The following ANKS1B variants were observed in gnomAD, a reference collection of about 807,000 sequenced individuals.
ANKS1B encodes ankyrin repeat and sterile alpha motif domain containing 1B, also known as ankyrin repeat and sterile alpha motif domain-containing protein 1B.
ANKS1B carries 36 observed loss-of-function variants against 148.3 expected under a neutral mutation model. The ratio of observed to expected loss-of-function variants is 0.24; its 90% confidence interval spans 0.19 to 0.32. ANKS1B has a LOEUF of 0.32. Ranked by LOEUF, ANKS1B falls within the 10% of genes least tolerant of loss-of-function variation. The probability of loss-of-function intolerance (pLI) is 1.00; values close to 1 mark genes in which losing one functional copy is unlikely to be tolerated. For missense variants in ANKS1B, 1,157 were observed against 1,542.6 expected (o/e 0.75, Z 4.19); for synonymous variants, 542 against 560.8 (o/e 0.97, Z 0.47).
At chr12:99,716,292 G>A (rs538514010) in intron 8 of ANKS1B, among the ~76,000 whole-genome samples, 1 of 147,222 alleles carries the variant, frequency 6.8e-6, no homozygotes, top group African/African-American at 2.7e-5. Context: ...TCCACACCCC[G>A]ACCTCTTATC....
intron 8 of ANKS1B, among the ~76,000 whole-genome samples, chr12:99,659,054 T>C (rs972960041): frequency 1.3e-5 from 2 of 152,194 alleles, no homozygotes; most frequent in Non-Finnish European, 2.9e-5. Flanking sequence ...GGGGTGTGTA[T>C]AATTGTATCA....
chr12:99,161,955 G>A (rs576675098), intron 14 of ANKS1B, among the ~76,000 whole-genome samples: 6 of 152,068 alleles, frequency 3.9e-5, no homozygotes, highest in South Asian at 2.1e-4. Flanking sequence ...TAAATACAAC[G>A]TGATGCATCC....
At chr12:99,896,388 T>G (rs536557540) in intron 1 of ANKS1B, among the ~76,000 whole-genome samples, 1 of 150,560 alleles carries the variant, frequency 6.6e-6, no homozygotes, top group South Asian at 2.1e-4. Flanking sequence ...CTTAGTATCA[T>G]GTCCTCTACT....
intron 1 of ANKS1B, among the ~76,000 whole-genome samples, chr12:99,870,314 G>C (rs976692881): frequency 6.6e-6 from 1 of 152,068 alleles, no homozygotes; most frequent in African/African-American, 2.4e-5. Flanking sequence ...CTGTATATAC[G>C]TATATTTTCT....
At chr12:99,146,259 C>A (rs1347599891) in intron 15 of ANKS1B, among the ~76,000 whole-genome samples, 2 of 152,046 alleles carry the variant, frequency 1.3e-5, no homozygotes, top group African/African-American at 4.8e-5. Flanking sequence ...GATGGGGAAG[C>A]AGACATCTGA....
At chr12:99,797,543 T>C (rs926756308) in intron 4 of ANKS1B, among the ~76,000 whole-genome samples, 12 of 151,506 alleles carry the variant, frequency 7.9e-5, no homozygotes, top group African/African-American at 2.2e-4. Flanking sequence ...TTTAAATTAA[T>C]CATTTAAAAA....
At chr12:99,617,760 C>T (rs916478556) in intron 9 of ANKS1B, among the ~76,000 whole-genome samples, 1 of 151,510 alleles carries the variant, frequency 6.6e-6, no homozygotes, top group Middle Eastern at 3.4e-3. Flanking sequence ...ACCTATGAAA[C>T]AAACCTGCAC....
rs567925194 is a variant in ANKS1B, at chr12:99,016,675, C to A, written c.2778+36482G>T. On this transcript the variant is annotated intron_variant, in intron 17 of 26. Transcript: ENST00000683438. ...TCCCTCTCTCAAACAAACAAACAAACAAAAAAAACAAAAAAGAAGGAGATT... is the reference window on the plus strand; with the variant it reads ...TCCCTCTCTCAAACAAACAAACAAAAAAAAAAAACAAAAAAGAAGGAGATT... 4.6e-4 allele frequency among the ~76,000 whole-genome samples: 69 copies of A among 151,088 alleles called. 2 individuals are homozygous for A. In the South Asian group the frequency reaches 5.9e-3, roughly 13 times the overall value.
chr12:99,860,766 G>A (rs1241139579), intron 1 of ANKS1B, among the ~76,000 whole-genome samples: 3 of 152,138 alleles, frequency 2.0e-5, no homozygotes, highest in Non-Finnish European at 2.9e-5. Flanking sequence ...AAAACAGAGA[G>A]TAAGGCAGTC....
chr12:99,263,245 C>CA (rs2076106712), intron 12 of ANKS1B, among the ~76,000 whole-genome samples: 1 of 152,040 alleles, frequency 6.6e-6, no homozygotes, highest in Admixed American at 6.6e-5. Context: ...AGGGAATTAG[C>CA]AGACTTGTTA....
At chr12:98,946,903 G>A (rs2099846272) in intron 17 of ANKS1B, among the ~76,000 whole-genome samples, 1 of 128,688 alleles carries the variant, frequency 7.8e-6, no homozygotes, top group South Asian at 2.5e-4. Flanking sequence ...TTGAGCCACT[G>A]CACTCCAGCC....
intron 8 of ANKS1B, among the ~76,000 whole-genome samples, chr12:99,699,689 T>C (rs1355331241): frequency 6.6e-6 from 1 of 152,220 alleles, no homozygotes; most frequent in Non-Finnish European, 1.5e-5. Context: ...CAAGATTTTA[T>C]ACTTCAGGAT....
chr12:99,687,237 T>C (rs1210586713), intron 8 of ANKS1B, among the ~76,000 whole-genome samples: 3 of 152,308 alleles, frequency 2.0e-5, no homozygotes, highest in African/African-American at 7.2e-5. Context: ...GTAATATACC[T>C]TTTTTCTCTG....
intron 9 of ANKS1B, among the ~76,000 whole-genome samples, chr12:99,588,327 T>A (rs1388294340): frequency 6.6e-6 from 1 of 152,166 alleles, no homozygotes; most frequent in Non-Finnish European, 1.5e-5. Flanking sequence ...CTCTTCTCTT[T>A]CTAAAGGATT....
chr12:98,830,602 G>T (rs979623775), intron 18 of ANKS1B, among the ~76,000 whole-genome samples: 1 of 152,190 alleles, frequency 6.6e-6, no homozygotes, highest in African/African-American at 2.4e-5. Context: ...ATTGATAAGA[G>T]GCAGCCCACT....
intron 15 of ANKS1B, among the ~76,000 whole-genome samples, chr12:99,145,141 G>A (rs543047690): frequency 2.0e-5 from 3 of 152,246 alleles, no homozygotes; most frequent in South Asian, 2.1e-4. Context: ...TGTACAAGGT[G>A]TCATGGGAGG....
At chr12:99,245,342 A>G (rs900212728) in intron 13 of ANKS1B, among the ~76,000 whole-genome samples, 1 of 152,218 alleles carries the variant, frequency 6.6e-6, no homozygotes, top group African/African-American at 2.4e-5. Context: ...CTATACTTGA[A>G]AAACTAACCA....
intron 11 of ANKS1B, among the ~76,000 whole-genome samples, chr12:99,441,514 G>A (rs2724191): frequency 1 from 152,056 of 152,060 alleles, 76,026 homozygotes; most frequent in Middle Eastern, 1. Context: ...ATGTCTCCAG[G>A]GTGGAAGAAA....
chr12:99,010,909 T>G (rs1036421338), intron 17 of ANKS1B, among the ~76,000 whole-genome samples: 7 of 149,590 alleles, frequency 4.7e-5, no homozygotes, highest in East Asian at 3.9e-4. Context: ...TTGTTTTTTT[T>G]TTTTTTTTTT....
Sources: gnomAD v4.1 joint callset for allele counts (sites outside exome capture counted in the v4.1 genomes callset) on GRCh38, gnomAD v4.1.1 for gene constraint, MANE v1.5 for transcripts, NCBI Gene and HGNC (gene_info 2026-07-23, HGNC 2026-07-21) for gene names.